Variants in PRKN observed in about 807,000 individuals in gnomAD.
PRKN encodes parkin RBR E3 ubiquitin protein ligase.
A neutral mutation model predicts 59.5 loss-of-function variants in PRKN; 56 were observed. The observed-to-expected ratio is 0.94, with a 90% CI of 0.76 to 1.18. The LOEUF (loss-of-function observed/expected upper bound fraction) is 1.18. Among genes scored for constraint, PRKN ranks in the 50% most tolerant of loss-of-function variants. The pLI is 0.00. For synonymous variants in PRKN, 250 were observed against 222.1 expected, an observed-to-expected ratio of 1.13 and a Z score of -1.12; for missense variants, 657 against 596.4, an observed-to-expected ratio of 1.10 and a Z score of -1.06.
intron 9 of PRKN, among the ~76,000 whole-genome samples, chr6:161,449,820 G>T (rs912430705): frequency 6.6e-6 from 1 of 152,200 alleles, no homozygotes; most frequent in Non-Finnish European, 1.5e-5. Flanking sequence ...ACAGACAGGT[G>T]TAGGGAAGCA....
chr6:161,990,745 T>C (rs1008611661), intron 5 of PRKN, among the ~76,000 whole-genome samples: 1 of 152,124 alleles, frequency 6.6e-6, no homozygotes, highest in South Asian at 2.1e-4. Context: ...AGTAAGCCTA[T>C]GGGATATATG....
At chr6:162,299,376 G>A (rs1052432333) in intron 2 of PRKN, among the ~76,000 whole-genome samples, 2 of 152,094 alleles carry the variant, frequency 1.3e-5, no homozygotes, top group Non-Finnish European at 2.9e-5. Flanking sequence ...TTTACCCTTA[G>A]GTGGAAGGTG....
intron 4 of PRKN, among the ~76,000 whole-genome samples, chr6:162,170,801 C>A (rs570417891): frequency 6.6e-6 from 1 of 152,084 alleles, no homozygotes; most frequent in Non-Finnish European, 1.5e-5. Context: ...AAATGGTACA[C>A]GAATGGGCTG....
chr6:161,568,238 C>G (rs1292382254), intron 8 of PRKN, among the ~76,000 whole-genome samples: 1 of 152,218 alleles, frequency 6.6e-6, no homozygotes, highest in Non-Finnish European at 1.5e-5. Flanking sequence ...AAGTGAGCTG[C>G]CACATCTCCA....
At chr6:162,101,618 G>C (rs1562513968) in intron 4 of PRKN, among the ~76,000 whole-genome samples, 1 of 151,804 alleles carries the variant, frequency 6.6e-6, no homozygotes, top group Non-Finnish European at 1.5e-5. Flanking sequence ...CTTGCAGTGA[G>C]CCGAGATCGT....
At chr6:162,010,490 A>ATATTATATAG in intron 5 of PRKN, among the ~76,000 whole-genome samples, 1 of 54,190 alleles carries the variant, frequency 1.8e-5, no homozygotes, top group Admixed American at 3.9e-4. Flanking sequence ...TATTTATAAT[A>ATATTATATAG]TATATTATAT....
At position 162,402,142 on chromosome 6, in the gene PRKN, G is replaced by A. The variant is rs551872040; in HGVS notation, c.171+41168C>T. ...CACACACCTGTAATTCCAGCTACTCGAGAGGCTAAGGCACTAGAATCGCTT... is the reference window on the plus strand; with the variant it reads ...CACACACCTGTAATTCCAGCTACTCAAGAGGCTAAGGCACTAGAATCGCTT... On this transcript the variant is annotated intron_variant, in intron 2 of 11. Transcript: ENST00000366898. 3.1e-4 allele frequency among the ~76,000 whole-genome samples: 47 copies of A among 151,716 alleles called. 2 individuals are homozygous for A. The East Asian group carries it at 3.5e-3, about 11-fold the overall frequency.
At chr6:162,137,168 A>G (rs1418218602) in intron 4 of PRKN, among the ~76,000 whole-genome samples, 1 of 152,164 alleles carries the variant, frequency 6.6e-6, no homozygotes, top group Non-Finnish European at 1.5e-5. Context: ...GTTACTTTTT[A>G]AAATAAATGA....
chr6:161,939,744 A>G (rs1031003097), intron 6 of PRKN, among the ~76,000 whole-genome samples: 22 of 152,272 alleles, frequency 1.4e-4, no homozygotes, highest in Middle Eastern at 6.8e-3. Context: ...GAAAAAAATA[A>G]AAGAAAAAAA....
chr6:162,051,149 A>G (rs1777623556), intron 5 of PRKN, among the ~76,000 whole-genome samples: 1 of 152,122 alleles, frequency 6.6e-6, no homozygotes, highest in Admixed American at 6.5e-5. Context: ...GGAAACCTGG[A>G]GCCAAAGCTG....
At chr6:161,722,759 T>C (rs1317507838) in intron 7 of PRKN, among the ~76,000 whole-genome samples, 1 of 152,202 alleles carries the variant, frequency 6.6e-6, no homozygotes, top group African/African-American at 2.4e-5. Context: ...TTGACATTAA[T>C]TTGTCTATGC....
At chr6:162,182,893 G>A (rs1039307447) in intron 4 of PRKN, among the ~76,000 whole-genome samples, 1 of 152,044 alleles carries the variant, frequency 6.6e-6, no homozygotes. Context: ...AAACGTTCAA[G>A]TAAACTAAAG....
chr6:162,173,890 T>C (rs1314156105), intron 4 of PRKN, among the ~76,000 whole-genome samples: 2 of 152,220 alleles, frequency 1.3e-5, no homozygotes, highest in Non-Finnish European at 2.9e-5. Flanking sequence ...TCATTGGGTG[T>C]CAGCTATTCT....
At chr6:162,517,507 C>T (rs1210690882) in intron 1 of PRKN, among the ~76,000 whole-genome samples, 3 of 151,872 alleles carry the variant, frequency 2.0e-5, no homozygotes, top group South Asian at 2.1e-4. Flanking sequence ...CTGCCCACTT[C>T]GGCCTCCCAA....
intron 1 of PRKN, among the ~76,000 whole-genome samples, chr6:162,512,309 G>A (rs908492065): frequency 3.3e-5 from 5 of 152,160 alleles, no homozygotes; most frequent in Admixed American, 2.6e-4. Flanking sequence ...TTAGCACAAA[G>A]TATACCTTTA....
At chr6:161,957,431 TGTTTG>T (rs1369479387) in intron 6 of PRKN, among the ~76,000 whole-genome samples, 14,840 of 131,890 alleles carry the variant, frequency 0.11, 934 homozygotes, top group South Asian at 0.18. Flanking sequence ...TTTGTTTGTT[TGTTTG>T]TTTTTTTGAG....
At chr6:161,453,769 C>T (rs980993462) in intron 9 of PRKN, among the ~76,000 whole-genome samples, 1 of 135,466 alleles carries the variant, frequency 7.4e-6, no homozygotes, top group Non-Finnish European at 1.6e-5. Flanking sequence ...CTTTCCTCCT[C>T]CCCTCCCCTC....
At chr6:162,070,950 G>A (rs1260225532) in intron 4 of PRKN, among the ~76,000 whole-genome samples, 2 of 152,080 alleles carry the variant, frequency 1.3e-5, no homozygotes, top group Non-Finnish European at 2.9e-5. Context: ...ACTACCCTAA[G>A]AGAGAGGAAG....
intron 1 of PRKN, among the ~76,000 whole-genome samples, chr6:162,455,926 T>C (rs1790849996): frequency 1.3e-5 from 2 of 152,120 alleles, no homozygotes; most frequent in African/African-American, 4.8e-5. Flanking sequence ...AAAAAAACTT[T>C]ATAAAATATA....
Sources: gnomAD v4.1 joint callset for allele counts (sites outside exome capture counted in the v4.1 genomes callset) on GRCh38, gnomAD v4.1.1 for gene constraint, MANE v1.5 for transcripts, NCBI Gene and HGNC (gene_info 2026-07-23, HGNC 2026-07-21) for gene names.